Variants in NLGN1 observed in about 807,000 individuals in gnomAD.
NLGN1 encodes the protein neuroligin 1.
In NLGN1, 12 loss-of-function variants were observed where a neutral mutation model predicts 65.5. The ratio of observed to expected loss-of-function variants is 0.18; its 90% CI spans 0.12 to 0.30. The LOEUF is 0.30. NLGN1 is among the 10% of genes least tolerant of loss of function. The probability of loss-of-function intolerance (pLI) is 1.00; values close to 1 mark genes in which losing one functional copy is unlikely to be tolerated. For missense variants in NLGN1, 750 were observed against 1,007.1 expected (o/e 0.74, Z 3.46); for synonymous variants, 350 against 359.5 (o/e 0.97, Z 0.30).
chr3:174,217,926 C>G (rs1244177392), intron 4 of NLGN1, among the ~76,000 whole-genome samples: 1 of 152,020 alleles, frequency 6.6e-6, no homozygotes, highest in Non-Finnish European at 1.5e-5. Flanking sequence ...CAAACTTCAC[C>G]TAACTCATAA....
At chr3:173,623,527 C>T (rs1298558242) in intron 3 of NLGN1, among the ~76,000 whole-genome samples, 1 of 151,946 alleles carries the variant, frequency 6.6e-6, no homozygotes, top group East Asian at 1.9e-4. Flanking sequence ...TGTGTACCAA[C>T]AAGAGAGAAT....
chr3:174,050,126 C>T (rs886466283), intron 4 of NLGN1, among the ~76,000 whole-genome samples: 1 of 152,058 alleles, frequency 6.6e-6, no homozygotes, highest in Non-Finnish European at 1.5e-5. Flanking sequence ...CTGAATTTCA[C>T]ATCAAAAGTG....
intron 3 of NLGN1, among the ~76,000 whole-genome samples, chr3:173,692,862 G>A (rs1765672826): frequency 1.3e-5 from 2 of 152,054 alleles, no homozygotes; most frequent in Admixed American, 6.6e-5. Flanking sequence ...AACACTGATG[G>A]AAATAAGGAG....
chr3:174,212,009 C>T (rs930811930), intron 4 of NLGN1, among the ~76,000 whole-genome samples: 2 of 152,154 alleles, frequency 1.3e-5, no homozygotes, highest in African/African-American at 4.8e-5. Context: ...GGACTGGGTG[C>T]CATGGAGCAG....
intron 4 of NLGN1, among the ~76,000 whole-genome samples, chr3:174,178,149 G>A (rs1217604285): frequency 6.6e-6 from 1 of 152,120 alleles, no homozygotes; most frequent in Non-Finnish European, 1.5e-5. Context: ...GAATAAGTGG[G>A]AAGGAATGCA....
Position 173,528,790 on chromosome 3 carries a change from G to A in NLGN1, c.-320-75489G>A, listed in dbSNP as rs140860252. Among the ~76,000 whole-genome samples the A allele has an allele frequency of 3.1e-4, 47 of 152,158 alleles. No individual in the cohort carries two copies. In the South Asian group the frequency reaches 3.7e-3, roughly 12 times the overall value. On this transcript the variant is annotated intron_variant, in intron 2 of 6. Coordinates refer to ENST00000457714, the Ensembl canonical transcript of NLGN1. The stretch of plus-strand genomic sequence containing the variant: ...TTAAGTGGATTTTTCATTTCCAAAC[G>A]TTCTGTTTGTTTTTGTTTTTAAGAC...
chr3:173,426,289 G>C (rs1179678492), intron 1 of NLGN1, among the ~76,000 whole-genome samples: 1 of 151,990 alleles, frequency 6.6e-6, no homozygotes, highest in African/African-American at 2.4e-5. Context: ...AGGACAATTT[G>C]ACTTCTTCCT....
Position 174,120,186 on chromosome 3 carries a change from GA to G in NLGN1, c.647-155122del, listed in dbSNP as rs1200511979. Among the ~76,000 whole-genome samples the G allele has an allele frequency of 1.1e-4, 16 of 152,116 alleles. No homozygotes were observed. The East Asian group carries it at 2.1e-3, about 20-fold the overall frequency. On this transcript the variant is annotated intron_variant, in intron 4 of 6. Transcript: ENST00000457714. ...TGGCATCAAGTACATAGCAAGTATT[GA>G]AAAAAAGTACTGACTTATGGCCAGG... is the stretch of plus-strand genomic sequence containing the variant.
chr3:173,587,879 T>C (rs574440445), intron 2 of NLGN1, among the ~76,000 whole-genome samples: 1 of 151,242 alleles, frequency 6.6e-6, no homozygotes, highest in African/African-American at 2.5e-5. Context: ...CAGGAAAAGC[T>C]AACACATTTG....
chr3:174,159,154 T>C (rs1451219557), intron 4 of NLGN1, among the ~76,000 whole-genome samples: 1 of 151,674 alleles, frequency 6.6e-6, no homozygotes, highest in Admixed American at 6.6e-5. Context: ...ACCAGCTCCC[T>C]AGGAAATGGC....
intron 4 of NLGN1, among the ~76,000 whole-genome samples, chr3:174,058,468 A>G (rs1736657667): frequency 6.6e-6 from 1 of 152,070 alleles, no homozygotes; most frequent in Non-Finnish European, 1.5e-5. Context: ...ATGTTACAAC[A>G]CAGAGAGATT....
intron 4 of NLGN1, among the ~76,000 whole-genome samples, chr3:173,843,476 T>A (rs34955242): frequency 6.6e-6 from 1 of 152,162 alleles, no homozygotes; most frequent in African/African-American, 2.4e-5. Flanking sequence ...AAAAACTGAA[T>A]GCCTTTAATA....
At chr3:173,465,287 T>G (rs1724141738) in intron 2 of NLGN1, among the ~76,000 whole-genome samples, 1 of 152,120 alleles carries the variant, frequency 6.6e-6, no homozygotes, top group African/African-American at 2.4e-5. Context: ...AACACCCAAA[T>G]GAGCAATCCA....
chr3:173,412,006 A>G (rs1712674723), intron 1 of NLGN1, among the ~76,000 whole-genome samples: 1 of 152,210 alleles, frequency 6.6e-6, no homozygotes, highest in Admixed American at 6.5e-5. Context: ...ATTCCAAATT[A>G]TGGGACTAGT....
intron 3 of NLGN1, among the ~76,000 whole-genome samples, chr3:173,742,584 T>C (rs1449238014): frequency 1.3e-5 from 2 of 152,270 alleles, no homozygotes; most frequent in Non-Finnish European, 2.9e-5. Flanking sequence ...TGCCTAGATA[T>C]ATTATAGCTA....
chr3:173,652,211 A>G (rs570966826), intron 3 of NLGN1, among the ~76,000 whole-genome samples: 8 of 152,288 alleles, frequency 5.3e-5, no homozygotes, highest in African/African-American at 1.9e-4. Context: ...TGTCTGTTAC[A>G]TAGGCTGTCT....
At chr3:173,654,966 C>G (rs1360555082) in intron 3 of NLGN1, among the ~76,000 whole-genome samples, 1 of 152,112 alleles carries the variant, frequency 6.6e-6, no homozygotes, top group Non-Finnish European at 1.5e-5. Flanking sequence ...AGCCAGACTC[C>G]TTGGTTTCAG....
At chr3:173,602,045 G>A (rs1049589685) in intron 2 of NLGN1, among the ~76,000 whole-genome samples, 3 of 152,044 alleles carry the variant, frequency 2.0e-5, no homozygotes, top group Admixed American at 6.6e-5. Context: ...AAATCAGATA[G>A]CAACGGGCTC....
chr3:173,541,686 T>C (rs1738890017), intron 2 of NLGN1, among the ~76,000 whole-genome samples: 1 of 152,164 alleles, frequency 6.6e-6, no homozygotes, highest in Non-Finnish European at 1.5e-5. Flanking sequence ...GTCCTCATAC[T>C]CAACTGATAG....
Sources: allele counts gnomAD v4.1 joint callset (sites outside exome capture counted in the v4.1 genomes callset), GRCh38; gene constraint gnomAD v4.1.1; transcripts MANE v1.5; gene names NCBI Gene and HGNC (gene_info 2026-07-23, HGNC 2026-07-21).